The following GSG1L variants were observed in gnomAD, a reference collection of about 807,000 sequenced individuals.
The protein encoded by GSG1L is germ cell-specific gene 1-like protein.
GSG1L carries 24 observed loss-of-function variants against 42.1 expected under a neutral mutation model. That is an observed-to-expected ratio of 0.57 (90% CI 0.41 to 0.80). The LOEUF (loss-of-function observed/expected upper bound fraction) is 0.80. Ranked by LOEUF, GSG1L falls within the 30% of genes least tolerant of loss-of-function variation. The pLI is 0.00. For missense variants in GSG1L, 445 were observed against 472.2 expected (o/e 0.94, Z 0.53); for synonymous variants, 215 against 203.5 (o/e 1.06, Z -0.48).
chr16:27,902,505 C>T (rs2084271557), intron 2 of GSG1L, among the ~76,000 whole-genome samples: 2 of 152,016 alleles, frequency 1.3e-5, no homozygotes, highest in Non-Finnish European at 2.9e-5. Flanking sequence ...GCAGTGCAGA[C>T]CCCGCGGGTG....
At chr16:28,006,356 TAGAGTGC>T (rs2085638944) in intron 1 of GSG1L, among the ~76,000 whole-genome samples, 1 of 152,010 alleles carries the variant, frequency 6.6e-6, no homozygotes, top group South Asian at 2.1e-4. Flanking sequence ...TCACCCAGGC[TAGAGTGC>T]AGAGGTGTGA....
chr16:27,925,967 G>GA (rs916428693), intron 2 of GSG1L, among the ~76,000 whole-genome samples: 1 of 152,184 alleles, frequency 6.6e-6, no homozygotes, highest in East Asian at 1.9e-4. Context: ...GGAAAAGGGG[G>GA]AAAAAATTAG....
At chr16:27,869,477 A>G (rs1425237950) in intron 3 of GSG1L, among the ~76,000 whole-genome samples, 5 of 128,132 alleles carry the variant, frequency 3.9e-5, no homozygotes, top group Non-Finnish European at 5.0e-5. Context: ...GTCTCCCTCC[A>G]TCTCTCTCTC....
At chr16:27,990,126 T>A (rs2085438861) in intron 1 of GSG1L, among the ~76,000 whole-genome samples, 1 of 152,194 alleles carries the variant, frequency 6.6e-6, no homozygotes, top group Non-Finnish European at 1.5e-5. Context: ...ATTACTCACA[T>A]GGGTCTGAAA....
intron 1 of GSG1L, among the ~76,000 whole-genome samples, chr16:28,035,215 G>T (rs1246610802): frequency 6.6e-6 from 1 of 151,642 alleles, no homozygotes; most frequent in East Asian, 1.9e-4. Context: ...TTAGCGGATG[G>T]GGTCTCACTA....
intron 1 of GSG1L, among the ~76,000 whole-genome samples, chr16:28,053,531 G>A (rs921530155): frequency 6.6e-5 from 10 of 152,142 alleles, no homozygotes; most frequent in Admixed American, 1.3e-4. Context: ...TGGATGGGGC[G>A]CAGCCACTCC....
chr16:27,884,689 A>T lies in GSG1L; in HGVS notation c.398-51T>A. On this transcript the variant is annotated intron_variant, in intron 2 of 6. Transcript: ENST00000447459. The surrounding 1 kb of genome is among the most constrained non-coding windows in gnomAD (Gnocchi z 4.4). ...TGAGATGAGGGGCCACCCAAGATAG[A>T]CTCACCCTGTGCCTATTCCTCCCAC... 6.6e-7 allele frequency: 1 copy of T among 1,521,482 alleles called. No individual in the cohort carries two copies. Among genetic ancestry groups the T allele is most frequent in the Non-Finnish European group, 8.9e-7 (1 of 1,124,268 alleles). 94.2% of individuals were successfully genotyped at this position (1,521,482 alleles called of 1,614,324 possible).
intron 2 of GSG1L, among the ~76,000 whole-genome samples, chr16:27,946,594 AG>A (rs1217296261): frequency 2.4e-4 from 2 of 8,452 alleles, no homozygotes; most frequent in African/African-American, 9.7e-4. Context: ...AGAGAGAGAG[AG>A]AGAGAGAGAG....
At chr16:27,809,398 C>T (rs963211319) in intron 5 of GSG1L, among the ~76,000 whole-genome samples, 14 of 150,842 alleles carry the variant, frequency 9.3e-5, no homozygotes, top group South Asian at 2.1e-4. Context: ...GCAAGAACGC[C>T]GTCTCTAGAA....
At chr16:27,803,800 G>GATATATAGATATAGATATAGAT (rs1406574562) in intron 6 of GSG1L, among the ~76,000 whole-genome samples, 3 of 74,246 alleles carry the variant, frequency 4.0e-5, no homozygotes, top group African/African-American at 1.6e-4. Flanking sequence ...TATATAGATA[G>GATATATAGATATAGATATAGAT]ATAGATATAG....
chr16:27,953,712 C>T lies in GSG1L; in HGVS notation c.397+9444G>A, dbSNP rs142136941. On this transcript the variant is annotated intron_variant, in intron 2 of 6. Coordinates refer to ENST00000447459, the MANE Select transcript of GSG1L (RefSeq NM_001109763.2). Reference sequence around the variant, plus strand: ...TGGCCAACATGGTGAAACCTCATCTCTACTAAAAATACAAAAATTAGCCAG... The same window carrying T: ...TGGCCAACATGGTGAAACCTCATCTTTACTAAAAATACAAAAATTAGCCAG... Among the ~76,000 whole-genome samples, 7 of 152,162 alleles carry T rather than the reference C, an allele frequency of 4.6e-5. 1 individual carries two copies. The South Asian group carries it at 8.3e-4, about 18-fold the overall frequency.
intron 3 of GSG1L, among the ~76,000 whole-genome samples, chr16:27,878,332 C>A (rs1209848831): frequency 6.6e-6 from 1 of 152,186 alleles, no homozygotes. Flanking sequence ...GAAGGGGAAG[C>A]AAACATGCCC....
intron 1 of GSG1L, among the ~76,000 whole-genome samples, chr16:27,967,841 A>C (rs2085152212): frequency 6.6e-6 from 1 of 152,198 alleles, no homozygotes; most frequent in African/African-American, 2.4e-5. Flanking sequence ...TGAATATGGT[A>C]GGTGGAGGTT....
Position 28,063,359 on chromosome 16 carries a change from G to A in GSG1L, c.66C>T (p.Phe22=), listed in dbSNP as rs1033068451. 3.6e-6 allele frequency: 5 copies of A among 1,404,824 alleles called. No individual in the cohort carries two copies. Among genetic ancestry groups the A allele is most frequent in the East Asian group, 3.4e-5 (1 of 29,424 alleles). The allele number at this position is 1,404,824 out of a possible 1,614,324, so 87.0% of individuals were successfully genotyped here. A position where few individuals can be genotyped will look rare whatever the true frequency, so the allele number is the denominator to read the frequency against. The part of the protein sequence containing the change: ...AVALNLLALL[F]ATTAFLTTHW... ...GCGTGGTGAGGAAAGCGGTGGTGGC[G>A]AACAGCAGCGCCAGCAGGTTCAGGG... The change falls in exon 1 of 7, where the codon TTC becomes TTT. Residue 22 remains phenylalanine (F), a synonymous_variant. Transcript: ENST00000447459. The surrounding 1 kb of genome is among the most constrained non-coding windows in gnomAD (Gnocchi z 5.8).
At chr16:27,976,782 C>A (rs2085255400) in intron 1 of GSG1L, among the ~76,000 whole-genome samples, 1 of 152,196 alleles carries the variant, frequency 6.6e-6, no homozygotes, top group African/African-American at 2.4e-5. Flanking sequence ...CTCTCTGTTT[C>A]TCTAAGTCTG....
At chr16:27,828,445 G>C (rs2083238562) in intron 5 of GSG1L, among the ~76,000 whole-genome samples, 1 of 152,198 alleles carries the variant, frequency 6.6e-6, no homozygotes, top group Admixed American at 6.5e-5. Context: ...TCAATGCCAT[G>C]ACAGAGCCCA....
At chr16:27,959,514 GAGGGA>G (rs1413186954) in intron 2 of GSG1L, among the ~76,000 whole-genome samples, 2 of 140,106 alleles carry the variant, frequency 1.4e-5, no homozygotes, top group East Asian at 2.2e-4. Context: ...AAGGGAGGGG[GAGGGA>G]AGGGGAGGGG....
chr16:27,852,934 C>G (rs1053053623), intron 3 of GSG1L, among the ~76,000 whole-genome samples: 2 of 152,052 alleles, frequency 1.3e-5, no homozygotes, highest in East Asian at 1.9e-4. Context: ...CACCGGGTAC[C>G]GCTGAGACCG....
chr16:27,803,311 T>C (rs1597460126), intron 6 of GSG1L, among the ~76,000 whole-genome samples: 1 of 152,048 alleles, frequency 6.6e-6, no homozygotes. Flanking sequence ...AGAGAACTCA[T>C]GCACCCGACC....
Sources: allele counts gnomAD v4.1 joint callset (sites outside exome capture counted in the v4.1 genomes callset), GRCh38; gene constraint gnomAD v4.1.1; non-coding constraint Gnocchi (gnomAD v3.1); transcripts MANE v1.5; gene names NCBI Gene and HGNC (gene_info 2026-07-23, HGNC 2026-07-21).